CCDC92: variants seen among roughly 807,000 people sequenced by gnomAD.
CCDC92 encodes the protein coiled-coil domain-containing protein 92.
In CCDC92, 12 loss-of-function variants were observed where a neutral mutation model predicts 24.9. That is an observed-to-expected ratio of 0.48 (90% CI 0.31 to 0.78). The LOEUF (loss-of-function observed/expected upper bound fraction) is 0.78. CCDC92 is among the 30% of genes least tolerant of loss of function. The pLI is 0.05. For missense variants in CCDC92, 399 were observed against 439.4 expected (o/e 0.91, Z 0.82); for synonymous variants, 193 against 196.3 (o/e 0.98, Z 0.14).
At chr12:123,943,670 GC>G in intron 2 of CCDC92, 177 bp from the exon 3 acceptor site, 1 of 688,672 alleles carries the variant, frequency 1.5e-6, no homozygotes, top group Non-Finnish European at 2.4e-6. Context: ...CTGCAGGGAG[GC>G]CCCAGGCCAG....
Position 123,935,626 on chromosome 12 carries a change from T to G in CCDC92, c.*1432A>C. ...ATTTGAAATCAGCCACTTAAATCTCTTTCCATACAAATTAACCTGAATGGT... is the reference window on the plus strand; with the variant it reads ...ATTTGAAATCAGCCACTTAAATCTCGTTCCATACAAATTAACCTGAATGGT... On this transcript the variant is annotated 3_prime_UTR_variant, in exon 5 of 5. Coordinates refer to ENST00000238156, the MANE Select transcript of CCDC92 (RefSeq NM_025140.3). 2.3e-6 allele frequency: 2 copies of G among 857,500 alleles called. No homozygotes were observed. The highest frequency in any genetic ancestry group is 3.4e-6 in the Non-Finnish European group (2 of 584,010). 53.1% of individuals were successfully genotyped at this position (857,500 alleles called of 1,614,324 possible). A position where few individuals can be genotyped will look rare whatever the true frequency, so the allele number is the denominator to read the frequency against.
chr12:123,971,197 A>G (rs1956520954), intron 1 of CCDC92, among the ~76,000 whole-genome samples: 1 of 152,240 alleles, frequency 6.6e-6, no homozygotes, highest in African/African-American at 2.4e-5. Flanking sequence ...TAACAAAACT[A>G]TTTTAAGATT....
At chr12:123,942,682 G>T in intron 4 of CCDC92, 62 bp downstream of exon 4, 1 of 1,288,664 alleles carries the variant, frequency 7.8e-7, no homozygotes, top group Non-Finnish European at 1.1e-6. Flanking sequence ...TAGTGAAAAC[G>T]GCACCAACAC....
intron 1 of CCDC92, among the ~76,000 whole-genome samples, chr12:123,966,796 C>A (rs906547944): frequency 2.6e-5 from 4 of 152,194 alleles, no homozygotes; most frequent in Non-Finnish European, 5.9e-5. Context: ...CTAACCACAG[C>A]CTGCTAATGA....
intron 1 of CCDC92, among the ~76,000 whole-genome samples, chr12:123,955,089 G>C (rs1474158686): frequency 6.6e-6 from 1 of 152,174 alleles, no homozygotes; most frequent in Admixed American, 6.5e-5. Context: ...GCCCTCTGGG[G>C]ATCACCCAAA....
chr12:123,956,179 A>G (rs1956145990), intron 1 of CCDC92: 1 of 152,254 alleles, frequency 6.6e-6, no homozygotes, highest in Admixed American at 6.5e-5. Context: ...CTGGTGATCA[A>G]TAATCAGATA....
At position 123,937,562 on chromosome 12, in the gene CCDC92, G is replaced by A. The variant is rs144657516; in HGVS notation, c.492C>T (p.Ala164=). The change falls in exon 5 of 5, where the codon GCC becomes GCT. Residue 164 remains alanine, a synonymous_variant. Transcript: ENST00000238156. The surrounding 1 kb of genome is among the most constrained non-coding windows in gnomAD (Gnocchi z 8.4). ...TIAYLTSQLH[A]AKKKLMSSSG... is the part of the protein sequence containing the mutation. ...TGGAGCTCATGAGCTTCTTCTTGGC[G>A]GCGTGCAGCTGGGAGGTCAGGTAGG... The A allele has an allele frequency of 1.8e-4, 291 of 1,612,830 alleles. 4 individuals carry two copies. The East Asian group carries it at 5.9e-3, about 33-fold the overall frequency.
At chr12:123,945,090 A>G (rs1165102679) in intron 1 of CCDC92, 2 of 152,198 alleles carry the variant, frequency 1.3e-5, no homozygotes, top group Non-Finnish European at 2.9e-5. Context: ...AAAAGACTAG[A>G]AACAAACTCA....
chr12:123,968,750 C>T (rs1956451198), intron 1 of CCDC92, among the ~76,000 whole-genome samples: 1 of 152,108 alleles, frequency 6.6e-6, no homozygotes, highest in African/African-American at 2.4e-5. Context: ...AAGCATGAGA[C>T]AAACTCATCT....
chr12:123,960,924 C>T (rs540672060), intron 1 of CCDC92: 5 of 152,246 alleles, frequency 3.3e-5, no homozygotes, highest in Middle Eastern at 3.4e-3. Context: ...GTTTACAAGG[C>T]CTTTACAATA....
At position 123,960,329 on chromosome 12, in the gene CCDC92, C is replaced by T. The variant is rs141628843; in HGVS notation, c.-60+12200G>A. Among the ~76,000 whole-genome samples, 114 of 152,274 alleles carry T rather than the reference C, an allele frequency of 7.5e-4. 1 individual carries two copies. The highest frequency in any genetic ancestry group is 2.4e-3 in the African/African-American group (100 of 41,554). On this transcript the variant is annotated intron_variant, in intron 1 of 4. Transcript: ENST00000238156. The stretch of plus-strand genomic sequence containing the variant: ...AGCATCAGAGGGCTTGGAAAAATGT[C>T]TCTGATTGCCGTAATGGGAAAGCTC...
rs551675330 is a variant in CCDC92, at chr12:123,954,184, A to G, written c.-59-9820T>C. Among the ~76,000 whole-genome samples the G allele has an allele frequency of 8.5e-5, 13 of 152,328 alleles. No homozygotes were observed. In the East Asian group the frequency reaches 2.5e-3, roughly 29 times the overall value. On this transcript the variant is annotated intron_variant, in intron 1 of 4. Transcript: ENST00000238156. ...GTTCCAGGGTAATCTTGGATTGCTA[A>G]AATTGTGATTGGTTTACCATCACCA...
intron 2 of CCDC92, 50 bp from the exon 3 acceptor site, chr12:123,943,543 C>A: frequency 6.2e-7 from 1 of 1,606,520 alleles, no homozygotes; most frequent in Non-Finnish European, 8.5e-7. Flanking sequence ...GGTCCCAGGG[C>A]TGCCTGCCCT....
intron 1 of CCDC92, among the ~76,000 whole-genome samples, chr12:123,960,286 C>T (rs1011023019): frequency 5.9e-5 from 9 of 152,314 alleles, no homozygotes; most frequent in Middle Eastern, 3.4e-3. Context: ...AGGTACTATG[C>T]TGTATCTTGT....
At chr12:123,968,471 A>T (rs1227914798) in intron 1 of CCDC92, 1 of 152,220 alleles carries the variant, frequency 6.6e-6, no homozygotes, top group Non-Finnish European at 1.5e-5. Flanking sequence ...AATAATATTT[A>T]AGTAGTATCT....
In CCDC92 at chr12:123,937,468, C is replaced by G; in HGVS notation, c.586G>C (p.Asp196His). The change falls in exon 5 of 5, where the codon GAC becomes CAC. Residue 196 changes from aspartate to histidine, a missense_variant. Transcript: ENST00000238156. This position sits in a 1 kb window ranked among gnomAD's most constrained non-coding sequence, Gnocchi z 8.4. ...LASYKPAPPK[D>H]KLPETPRRRM... Reference sequence around the variant, plus strand: ...CGGCGAGGCGTTTCGGGTAGCTTGTCTTTGGGGGGCGCTGGCTTGTAGCTG... The same window carrying G: ...CGGCGAGGCGTTTCGGGTAGCTTGTGTTTGGGGGGCGCTGGCTTGTAGCTG... The G allele has an allele frequency of 6.2e-7, 1 of 1,613,206 alleles. No homozygotes were observed. Among genetic ancestry groups the G allele is most frequent in the South Asian group, 1.1e-5 (1 of 91,068 alleles).
intron 1 of CCDC92, among the ~76,000 whole-genome samples, chr12:123,957,556 A>C (rs1383000331): frequency 6.6e-6 from 1 of 152,216 alleles, no homozygotes; most frequent in East Asian, 1.9e-4. Flanking sequence ...CCTGGGTCTA[A>C]GGCATCTGGG....
intron 1 of CCDC92, among the ~76,000 whole-genome samples, chr12:123,950,001 G>A (rs530110194): frequency 6.6e-6 from 1 of 152,274 alleles, no homozygotes; most frequent in East Asian, 1.9e-4. Context: ...TGACTTGCCC[G>A]AGCACAGTGT....
chr12:123,957,052 T>TAA (rs1956164855), intron 1 of CCDC92, among the ~76,000 whole-genome samples: 1 of 152,250 alleles, frequency 6.6e-6, no homozygotes, highest in Non-Finnish European at 1.5e-5. Context: ...TTTTTCCTCT[T>TAA]ATATTTGACC....
Sources: allele counts gnomAD v4.1 joint callset (sites outside exome capture counted in the v4.1 genomes callset), GRCh38; gene constraint gnomAD v4.1.1; non-coding constraint Gnocchi (gnomAD v3.1); transcripts MANE v1.5; gene names NCBI Gene and HGNC (gene_info 2026-07-23, HGNC 2026-07-21).